PTPRD: variants seen among roughly 807,000 people sequenced by gnomAD.
PTPRD encodes protein tyrosine phosphatase receptor type D.
A neutral mutation model predicts 214.5 loss-of-function variants in PTPRD; 34 were observed. That is an observed-to-expected ratio of 0.16 (90% CI 0.12 to 0.21). The LOEUF is 0.21. Among genes scored for constraint, PTPRD ranks in the 10% least tolerant of loss-of-function variants. PTPRD has a pLI of 1.00. For synonymous variants in PTPRD, 1,128 were observed against 845.7 expected, an observed-to-expected ratio of 1.33 and a Z score of -5.79; for missense variants, 2,545 against 2,398.7, an observed-to-expected ratio of 1.06 and a Z score of -1.27.
At chr9:9,824,669 A>G (rs1322241442) in intron 5 of PTPRD, among the ~76,000 whole-genome samples, 1 of 152,048 alleles carries the variant, frequency 6.6e-6, no homozygotes, top group Non-Finnish European at 1.5e-5. Context: ...TTCTAGTATC[A>G]AAACATGTTT....
intron 5 of PTPRD, among the ~76,000 whole-genome samples, chr9:9,884,723 A>C (rs949617946): frequency 1.3e-5 from 2 of 152,100 alleles, no homozygotes; most frequent in Non-Finnish European, 2.9e-5. Flanking sequence ...GGTTACCTAC[A>C]TGCTGTTTTC....
chr9:8,439,412 A>T (rs976961008), intron 34 of PTPRD, among the ~76,000 whole-genome samples: 13 of 152,338 alleles, frequency 8.5e-5, no homozygotes, highest in African/African-American at 3.1e-4. Flanking sequence ...TGCATATGTA[A>T]GGGTTCTAAA....
intron 14 of PTPRD, among the ~76,000 whole-genome samples, chr9:8,531,381 GA>G (rs2075646741): frequency 2.0e-5 from 3 of 151,950 alleles, no homozygotes; most frequent in South Asian, 4.1e-4. Flanking sequence ...TTGCTGGGGG[GA>G]AAAAGGAGCA....
At chr9:9,110,445 G>A (rs1297077474) in intron 10 of PTPRD, among the ~76,000 whole-genome samples, 1 of 152,098 alleles carries the variant, frequency 6.6e-6, no homozygotes, top group Admixed American at 6.6e-5. Context: ...CAAAGTCTGA[G>A]AGCCAAATTG....
At chr9:9,917,394 A>G (rs2081225752) in intron 5 of PTPRD, among the ~76,000 whole-genome samples, 1 of 147,548 alleles carries the variant, frequency 6.8e-6, no homozygotes, top group Non-Finnish European at 1.5e-5. Context: ...ACAAAACATT[A>G]TTAGAGACCA....
intron 11 of PTPRD, among the ~76,000 whole-genome samples, chr9:8,917,050 C>CTTT (rs1240325844): frequency 7.3e-6 from 1 of 136,874 alleles, no homozygotes; most frequent in African/African-American, 2.9e-5. Flanking sequence ...TTGACATTTT[C>CTTT]TTTCTTTTTT....
intron 3 of PTPRD, among the ~76,000 whole-genome samples, chr9:10,087,196 A>G (rs898238596): frequency 1.2e-4 from 18 of 151,594 alleles, no homozygotes; most frequent in African/African-American, 4.4e-4. Flanking sequence ...AGACTTCGCA[A>G]AAAGTTACAC....
At chr9:8,516,379 T>C (rs1275640827) in intron 21 of PTPRD, among the ~76,000 whole-genome samples, 11 of 152,040 alleles carry the variant, frequency 7.2e-5, no homozygotes, top group Admixed American at 7.2e-4. Flanking sequence ...TACAATGTCA[T>C]AGAGAAAAGA....
chr9:9,686,580 C>A (rs986208707), intron 7 of PTPRD, among the ~76,000 whole-genome samples: 1 of 151,530 alleles, frequency 6.6e-6, no homozygotes, highest in Non-Finnish European at 1.5e-5. Context: ...AATAGGAAGG[C>A]AGCAGGAGAG....
intron 7 of PTPRD, among the ~76,000 whole-genome samples, chr9:9,606,372 T>C (rs2094153789): frequency 6.6e-6 from 1 of 152,106 alleles, no homozygotes; most frequent in African/African-American, 2.4e-5. Context: ...CAGCAATTTC[T>C]TTAAAACATA....
chr9:10,243,027 G>A (rs1432393591), intron 3 of PTPRD, among the ~76,000 whole-genome samples: 1 of 151,888 alleles, frequency 6.6e-6, no homozygotes, highest in East Asian at 1.9e-4. Context: ...TTCTGGTTTT[G>A]TAACTGCCTC....
Position 9,302,600 on chromosome 9 carries a change from TC to T in PTPRD, c.-203+94848del, listed in dbSNP as rs146935760. Among the ~76,000 whole-genome samples the T allele has an allele frequency of 5.2e-3, 376 of 72,498 alleles. 4 individuals carry two copies. The highest frequency in any genetic ancestry group is 0.018 in the African/African-American group (352 of 19,208). 47.6% of individuals were successfully genotyped at this position (72,498 alleles called of 152,430 possible). A position where few individuals can be genotyped will look rare whatever the true frequency, so the allele number is the denominator to read the frequency against. ...ACATCATGTTTTGTAGTTTTTTTTTTCTTTTTTTTTTTTTTTTGTCTTTCCT... is the reference window on the plus strand; with the variant it reads ...ACATCATGTTTTGTAGTTTTTTTTTTTTTTTTTTTTTTTTTTGTCTTTCCT... On this transcript the variant is annotated intron_variant, in intron 9 of 45. Transcript: ENST00000381196.
intron 11 of PTPRD, among the ~76,000 whole-genome samples, chr9:8,835,147 G>A (rs1180954711): frequency 6.6e-6 from 1 of 152,216 alleles, no homozygotes; most frequent in African/African-American, 2.4e-5. Context: ...GCATGGGGTG[G>A]ACGAAGAAAC....
At chr9:8,476,133 C>A (rs998152854) in intron 30 of PTPRD, among the ~76,000 whole-genome samples, 4 of 152,004 alleles carry the variant, frequency 2.6e-5, no homozygotes, top group Non-Finnish European at 5.9e-5. Flanking sequence ...TTTTTGGCAC[C>A]AAGGACTGAT....
At chr9:10,041,007 T>G (rs1444046579) in intron 3 of PTPRD, among the ~76,000 whole-genome samples, 7 of 152,062 alleles carry the variant, frequency 4.6e-5, no homozygotes, top group Non-Finnish European at 8.8e-5. Context: ...TTTTTAAATG[T>G]TTTTCATTTG....
At chr9:8,834,431 G>GCC (rs2097368630) in intron 11 of PTPRD, among the ~76,000 whole-genome samples, 1 of 151,574 alleles carries the variant, frequency 6.6e-6, no homozygotes, top group Non-Finnish European at 1.5e-5. Context: ...TTTATAACCT[G>GCC]TTTTTGTTTA....
At chr9:8,561,399 G>A (rs1357731469) in intron 14 of PTPRD, among the ~76,000 whole-genome samples, 1 of 152,038 alleles carries the variant, frequency 6.6e-6, no homozygotes, top group Non-Finnish European at 1.5e-5. Context: ...ATTCTTCTCT[G>A]CCCATCCTCA....
chr9:10,078,744 G>A (rs1567540571), intron 3 of PTPRD, among the ~76,000 whole-genome samples: 1 of 151,876 alleles, frequency 6.6e-6, no homozygotes, highest in Non-Finnish European at 1.5e-5. Flanking sequence ...GTGCCTCCTA[G>A]GAATTTATAT....
chr9:10,251,479 A>C (rs2092762337), intron 3 of PTPRD, among the ~76,000 whole-genome samples: 1 of 151,686 alleles, frequency 6.6e-6, no homozygotes, highest in African/African-American at 2.4e-5. Context: ...CTTCATTTCG[A>C]GTTATGTGAT....
Sources: allele counts gnomAD v4.1 joint callset (sites outside exome capture counted in the v4.1 genomes callset), GRCh38; gene constraint gnomAD v4.1.1; transcripts MANE v1.5; gene names NCBI Gene and HGNC (gene_info 2026-07-23, HGNC 2026-07-21).